The following RBFOX2 variants were observed in gnomAD, a reference collection of about 807,000 sequenced individuals.
RBFOX2 encodes the protein RNA binding protein fox-1 homolog 2.
RBFOX2 carries 10 observed loss-of-function variants against 49.1 expected under a neutral mutation model. The observed-to-expected ratio is 0.20, with a 90% CI of 0.13 to 0.35. The LOEUF (loss-of-function observed/expected upper bound fraction) is 0.35. Among genes scored for constraint, RBFOX2 ranks in the 10% least tolerant of loss-of-function variants. The pLI, the probability that RBFOX2 is intolerant of heterozygous loss-of-function variation, is 1.00. For missense variants in RBFOX2, 323 were observed against 486.9 expected (o/e 0.66, Z 3.17); for synonymous variants, 183 against 187.4 (o/e 0.98, Z 0.19).
chr22:35,983,426 C>G (rs1053400520), intron 1 of RBFOX2, among the ~76,000 whole-genome samples: 1 of 152,000 alleles, frequency 6.6e-6, no homozygotes, highest in Admixed American at 6.6e-5. Context: ...AGTTTAGACC[C>G]CTTGGCCATT....
intron 1 of RBFOX2, among the ~76,000 whole-genome samples, chr22:35,902,734 TC>T (rs1177663236): frequency 2.0e-5 from 3 of 150,134 alleles, no homozygotes; most frequent in African/African-American, 7.4e-5. Flanking sequence ...AGCCTTGACC[TC>T]CCGGGCTCAA....
At chr22:35,987,245 T>A (rs2057763185) in intron 1 of RBFOX2, among the ~76,000 whole-genome samples, 1 of 152,218 alleles carries the variant, frequency 6.6e-6, no homozygotes. Context: ...AAATTGTGTT[T>A]GTAGAAAAAC....
In RBFOX2 at chr22:35,833,826, A is replaced by C. The variant is rs181558520; in HGVS notation, c.27+6366T>G. Among the ~76,000 whole-genome samples the C allele has an allele frequency of 1.1e-3, 165 of 152,304 alleles. 1 individual carries two copies. The highest frequency in any genetic ancestry group is 3.7e-4 in the Non-Finnish European group (25 of 68,030). On this transcript the variant is annotated intron_variant, in intron 1 of 11. Coordinates refer to ENST00000405409, the Ensembl canonical transcript of RBFOX2. ...GTATATAAGGCTGCTGAGTGGAATA[A>C]ATGCTCTAAAATATGTAAAGCACTT...
At chr22:36,006,640 A>G (rs2058629256) in intron 1 of RBFOX2, among the ~76,000 whole-genome samples, 1 of 152,180 alleles carries the variant, frequency 6.6e-6, no homozygotes, top group African/African-American at 2.4e-5. Flanking sequence ...ACTAACTACC[A>G]ACGACACTTT....
At chr22:35,962,717 A>G (rs2149960643), upstream of RBFOX2, among the ~76,000 whole-genome samples, 1 of 152,166 alleles carries the variant, frequency 6.6e-6, no homozygotes, top group East Asian at 1.9e-4. Context: ...GCTTAATCCA[A>G]ACTCTAATTT....
chr22:35,863,779 G>C (rs551200934), intron 1 of RBFOX2, among the ~76,000 whole-genome samples: 2 of 152,322 alleles, frequency 1.3e-5, no homozygotes, highest in Non-Finnish European at 2.9e-5. Flanking sequence ...CACGATGCAA[G>C]AATATTTTTA....
intron 1 of RBFOX2, among the ~76,000 whole-genome samples, chr22:35,834,229 G>A (rs112232288): frequency 4.6e-5 from 7 of 152,312 alleles, no homozygotes; most frequent in South Asian, 2.1e-4. Context: ...TTACTTAACC[G>A]TCATATGCCT....
At chr22:35,999,037 A>G (rs1391762995) in intron 1 of RBFOX2, 1 of 152,464 alleles carries the variant, frequency 6.6e-6, no homozygotes, top group Admixed American at 6.5e-5. Context: ...AACATGAGGA[A>G]GCCAACAGAT....
chr22:35,741,798 C>A (rs1246202089), exon 12 of RBFOX2: 4 of 152,666 alleles, frequency 2.6e-5, no homozygotes, highest in African/African-American at 9.6e-5. Flanking sequence ...TGGGAGCCGC[C>A]TTCTCTACCT....
chr22:36,000,424 T>A (rs1453570024), intron 1 of RBFOX2: 1 of 152,086 alleles, frequency 6.6e-6, no homozygotes, highest in Non-Finnish European at 1.5e-5. Context: ...ATCCAAGGAG[T>A]TCAAGGCACT....
At chr22:35,901,497 A>C (rs981149301) in intron 1 of RBFOX2, among the ~76,000 whole-genome samples, 1 of 152,118 alleles carries the variant, frequency 6.6e-6, no homozygotes, top group African/African-American at 2.4e-5. Context: ...AAAAAAGTAA[A>C]AAACAACAAC....
intron 1 of RBFOX2, among the ~76,000 whole-genome samples, chr22:35,829,280 T>C (rs1430975511): frequency 1.3e-5 from 2 of 152,014 alleles, no homozygotes; most frequent in Admixed American, 1.3e-4. Context: ...GAAAAATAAA[T>C]TAATCACAAC....
exon 12 of RBFOX2, chr22:35,741,373 C>T (rs1929866597): frequency 6.6e-6 from 1 of 152,286 alleles, no homozygotes; most frequent in Non-Finnish European, 1.5e-5. Context: ...CTAACAAACT[C>T]ACGAAATGCC....
At chr22:35,897,962 T>A (rs973968770) in intron 1 of RBFOX2, 1 of 775,084 alleles carries the variant, frequency 1.3e-6, no homozygotes, top group Non-Finnish European at 2.3e-6. Context: ...GCTTGGGGAA[T>A]CTTCACAAAA....
intron 2 of RBFOX2, among the ~76,000 whole-genome samples, chr22:35,784,233 G>A (rs961192637): frequency 4.6e-5 from 7 of 152,204 alleles, no homozygotes; most frequent in Admixed American, 3.9e-4. Context: ...AGCAGTTAGG[G>A]AGAGCTTCTG....
chr22:35,881,227 T>G lies in RBFOX2; in HGVS notation c.-34+57620A>C, dbSNP rs1300030217. Among the ~76,000 whole-genome samples, 3 of 151,376 alleles carry G rather than the reference T, an allele frequency of 2.0e-5. No individual in the cohort carries two copies. In the East Asian group the frequency reaches 5.9e-4, roughly 30 times the overall value. On this transcript the variant is annotated intron_variant, in intron 1 of 13. Transcript: ENST00000359369. Reference sequence around the variant, plus strand: ...TGCAGTGAGCCGACGATCGCGCCACTGCACTCCAGCTTGGCAACAGAGTGA... The same window carrying G: ...TGCAGTGAGCCGACGATCGCGCCACGGCACTCCAGCTTGGCAACAGAGTGA...
At chr22:35,866,074 T>C (rs1383463683) in intron 1 of RBFOX2, among the ~76,000 whole-genome samples, 1 of 152,136 alleles carries the variant, frequency 6.6e-6, no homozygotes, top group Non-Finnish European at 1.5e-5. Flanking sequence ...TTTTAATAAC[T>C]AGAAAAATAG....
chr22:35,923,604 G>T (rs1037392712), intron 1 of RBFOX2, among the ~76,000 whole-genome samples: 20 of 151,952 alleles, frequency 1.3e-4, no homozygotes, highest in Middle Eastern at 3.4e-3. Flanking sequence ...CAAGGAATTG[G>T]TTTTTTTTAA....
At chr22:35,836,342 T>G (rs1957657877) in intron 1 of RBFOX2, 2 of 152,224 alleles carry the variant, frequency 1.3e-5, no homozygotes, top group Admixed American at 6.5e-5. Flanking sequence ...CTGTCTTTAA[T>G]TAAAGCATAA....
Sources: gnomAD v4.1 joint callset for allele counts (sites outside exome capture counted in the v4.1 genomes callset) on GRCh38, gnomAD v4.1.1 for gene constraint, MANE v1.5 for transcripts, NCBI Gene and HGNC (gene_info 2026-07-23, HGNC 2026-07-21) for gene names.